Variants in IGSF11 observed in about 807,000 individuals in gnomAD.
IGSF11 encodes CXADR like 1.
In IGSF11, 22 loss-of-function variants were observed where a neutral mutation model predicts 41.0. The ratio of observed to expected loss-of-function variants is 0.54; its 90% CI spans 0.38 to 0.77. The LOEUF is 0.77. Among genes scored for constraint, IGSF11 ranks in the 30% least tolerant of loss-of-function variants. IGSF11 has a pLI of 0.00. For synonymous variants in IGSF11, 219 were observed against 201.3 expected (o/e 1.09, Z -0.74); for missense variants, 444 against 530.8 (o/e 0.84, Z 1.61).
At chr3:119,090,332 C>T (rs1452146643) in intron 1 of IGSF11, among the ~76,000 whole-genome samples, 1 of 152,182 alleles carries the variant, frequency 6.6e-6, no homozygotes, top group African/African-American at 2.4e-5. Flanking sequence ...AGATTTGAAG[C>T]TATTCCTATC....
At chr3:118,968,551 A>T (rs1043263215) in intron 1 of IGSF11, among the ~76,000 whole-genome samples, 34 of 152,214 alleles carry the variant, frequency 2.2e-4, no homozygotes, top group African/African-American at 7.5e-4. Flanking sequence ...AGGGCAAAAC[A>T]TTCTTCTGAA....
intron 1 of IGSF11, among the ~76,000 whole-genome samples, chr3:119,061,686 G>A (rs1942055917): frequency 6.6e-6 from 1 of 151,704 alleles, no homozygotes; most frequent in South Asian, 2.1e-4. Context: ...TTTCACTCAG[G>A]ATATACTTTC....
At chr3:119,049,003 T>A (rs1328899476) in intron 1 of IGSF11, among the ~76,000 whole-genome samples, 3 of 151,838 alleles carry the variant, frequency 2.0e-5, no homozygotes, top group African/African-American at 7.3e-5. Context: ...TATTTCAAAA[T>A]AATAAGAGCT....
chr3:118,953,491 G>C (rs1559952639), intron 1 of IGSF11, among the ~76,000 whole-genome samples: 1 of 152,178 alleles, frequency 6.6e-6, no homozygotes, highest in Admixed American at 6.5e-5. Context: ...GTTTTCCATA[G>C]TGGTTGTACT....
intron 1 of IGSF11, 97 bp downstream of exon 1, chr3:119,034,434 C>A: frequency 8.2e-7 from 1 of 1,217,114 alleles, no homozygotes; most frequent in Non-Finnish European, 1.1e-6. Flanking sequence ...CGACCCTCGG[C>A]AAAGCAAGGA....
intron 1 of IGSF11, among the ~76,000 whole-genome samples, chr3:119,054,732 C>T (rs1342386359): frequency 6.6e-6 from 1 of 152,202 alleles, no homozygotes; most frequent in Non-Finnish European, 1.5e-5. Context: ...CTTGCACACA[C>T]ATGTTTATAG....
At chr3:119,039,305 A>G (rs1412519387), upstream of IGSF11, among the ~76,000 whole-genome samples, 1 of 151,798 alleles carries the variant, frequency 6.6e-6, no homozygotes, top group African/African-American at 2.4e-5. Context: ...GGGGAGAATC[A>G]TTTTCTTACC....
chr3:119,138,914 GA>G (rs1442462961), intron 1 of IGSF11, among the ~76,000 whole-genome samples: 1 of 151,982 alleles, frequency 6.6e-6, no homozygotes, highest in African/African-American at 2.4e-5. Context: ...TGGTAAAGGA[GA>G]ACAAAAGCAC....
At chr3:118,964,155 G>A (rs550313191) in intron 1 of IGSF11, among the ~76,000 whole-genome samples, 80 of 152,168 alleles carry the variant, frequency 5.3e-4, no homozygotes, top group Admixed American at 9.8e-4. Flanking sequence ...CTCACCTACA[G>A]CATCCTATAC....
chr3:119,056,501 G>C (rs1162657830), intron 1 of IGSF11, among the ~76,000 whole-genome samples: 1 of 152,160 alleles, frequency 6.6e-6, no homozygotes, highest in Non-Finnish European at 1.5e-5. Flanking sequence ...ACCAAAAAAA[G>C]TCCAGGACCA....
At chr3:118,937,262 T>C (rs991507114) in intron 1 of IGSF11, among the ~76,000 whole-genome samples, 2 of 152,232 alleles carry the variant, frequency 1.3e-5, no homozygotes, top group African/African-American at 4.8e-5. Flanking sequence ...ATACATGTAA[T>C]ACAAATTTAT....
intron 1 of IGSF11, among the ~76,000 whole-genome samples, chr3:119,048,623 A>T (rs1447389598): frequency 1.3e-5 from 2 of 151,942 alleles, no homozygotes; most frequent in Non-Finnish European, 2.9e-5. Flanking sequence ...TAGAAAAAGA[A>T]GGAATACTCC....
intron 1 of IGSF11, among the ~76,000 whole-genome samples, chr3:118,996,693 G>A (rs1432848151): frequency 6.6e-6 from 1 of 151,676 alleles, no homozygotes; most frequent in Non-Finnish European, 1.5e-5. Context: ...TCTGCCTCCC[G>A]GGTTCACGAC....
chr3:119,008,860 G>A (rs1307928193), intron 1 of IGSF11, among the ~76,000 whole-genome samples: 1 of 152,130 alleles, frequency 6.6e-6, no homozygotes, highest in Admixed American at 6.5e-5. Context: ...TCAGGTGAAA[G>A]CCTGAAAAGA....
intron 1 of IGSF11, among the ~76,000 whole-genome samples, chr3:118,952,822 C>CA (rs1205102777): frequency 6.6e-6 from 1 of 152,086 alleles, no homozygotes; most frequent in Non-Finnish European, 1.5e-5. Flanking sequence ...ATGCACTGAT[C>CA]AAATAGTGAA....
chr3:119,042,554 T>C (rs533809433), intron 1 of IGSF11, among the ~76,000 whole-genome samples: 1 of 152,228 alleles, frequency 6.6e-6, no homozygotes, highest in South Asian at 2.1e-4. Flanking sequence ...ATAATCCCCC[T>C]GGGAACAAAA....
intron 1 of IGSF11, among the ~76,000 whole-genome samples, chr3:119,111,417 C>G (rs1457722604): frequency 6.6e-6 from 1 of 152,196 alleles, no homozygotes; most frequent in Non-Finnish European, 1.5e-5. Context: ...TCACGTAGTT[C>G]TTGAGCCTCG....
At chr3:118,985,546 C>T (rs546147681) in intron 1 of IGSF11, among the ~76,000 whole-genome samples, 2 of 152,306 alleles carry the variant, frequency 1.3e-5, no homozygotes, top group South Asian at 2.1e-4. Flanking sequence ...TAACATCCCA[C>T]AAGCAGAACA....
At chr3:119,059,207 A>C (rs78563852) in intron 1 of IGSF11, among the ~76,000 whole-genome samples, 6 of 144,608 alleles carry the variant, frequency 4.1e-5, no homozygotes, top group Middle Eastern at 3.5e-3. Flanking sequence ...ACACACACAC[A>C]CCACACCATG....
Sources: allele counts gnomAD v4.1 joint callset (sites outside exome capture counted in the v4.1 genomes callset), GRCh38; gene constraint gnomAD v4.1.1; transcripts MANE v1.5; gene names NCBI Gene and HGNC (gene_info 2026-07-23, HGNC 2026-07-21).